Variants in HTR2C observed in about 807,000 individuals in gnomAD.
The protein encoded by HTR2C is 5-hydroxytryptamine (serotonin) receptor 2C, G protein-coupled.
Under a neutral mutation model 21.0 loss-of-function variants are expected in HTR2C, and 5 were observed. That is an observed-to-expected ratio of 0.24 (90% CI 0.12 to 0.50). The LOEUF (loss-of-function observed/expected upper bound fraction) is 0.50. Among genes scored for constraint, HTR2C ranks in the 20% least tolerant of loss-of-function variants. The pLI is 0.98. For synonymous variants in HTR2C, 150 were observed against 145.3 expected (o/e 1.03, Z -0.23); for missense variants, 271 against 371.2 (o/e 0.73, Z 2.22).
intron 1 of HTR2C, among the ~76,000 whole-genome samples, chrX:114,607,031 A>G (rs1928484329): frequency 9.2e-6 from 1 of 108,358 alleles, no homozygotes; most frequent in Non-Finnish European, 1.9e-5. Flanking sequence ...TTGAGCCAGG[A>G]TGATCCAGGA....
At chrX:114,764,878 T>G (rs2069923540) in intron 4 of HTR2C, among the ~76,000 whole-genome samples, 1 of 46,008 alleles carries the variant, frequency 2.2e-5, no homozygotes, top group African/African-American at 8.2e-5. Context: ...TTTCTTTCTT[T>G]CTTTCTTTCT....
chrX:114,596,421 A>G lies in HTR2C; in HGVS notation c.-147+11762A>G, dbSNP rs1185077226. On this transcript the variant is annotated intron_variant, in intron 1 of 5. Transcript: ENST00000276198. The stretch of plus-strand genomic sequence containing the variant: ...TAGCTTCATGATTAGAAATTGTCTT[A>G]TTCCTTTATTATATTTTTAGATTGA... Among the ~76,000 whole-genome samples, 3 of 112,085 alleles carry G rather than the reference A, an allele frequency of 2.7e-5. No individual in the cohort carries two copies. In the East Asian group the frequency reaches 8.4e-4, roughly 31 times the overall value.
At position 114,739,182 on chromosome X, in the gene HTR2C, G is replaced by T. The variant is rs189031760; in HGVS notation, c.349+7575G>T. Among the ~76,000 whole-genome samples, 324 of 110,854 alleles carry T rather than the reference G, an allele frequency of 2.9e-3. 2 individuals are homozygous for T. Among genetic ancestry groups the T allele is most frequent in the African/African-American group, 0.01 (313 of 30,682 alleles). On this transcript the variant is annotated intron_variant, in intron 4 of 5. Transcript: ENST00000276198. ...TATAAATAACTTTGTCAGACAGCTG[G>T]CATCTTAGTTCATAGGAAAACAATA... is the stretch of plus-strand genomic sequence containing the variant.
intron 4 of HTR2C, among the ~76,000 whole-genome samples, chrX:114,748,221 G>T (rs1343747837): frequency 2.7e-5 from 3 of 111,672 alleles, no homozygotes; most frequent in African/African-American, 9.8e-5. Context: ...ATGTGCAGGA[G>T]CTGTATGCTG....
chrX:114,797,946 A>G (rs187695379), intron 4 of HTR2C, among the ~76,000 whole-genome samples: 34 of 112,123 alleles, frequency 3.0e-4, no homozygotes, highest in African/African-American at 1.1e-3. Flanking sequence ...TGCATGTGGT[A>G]AAATAGAGGT....
In HTR2C at chrX:114,770,803, C is replaced by CT. The variant is rs377420309; in HGVS notation, c.349+39212dup. 1.3e-3 allele frequency among the ~76,000 whole-genome samples: 106 copies of CT among 80,687 alleles called. 5 individuals are homozygous for CT. The highest frequency in any genetic ancestry group is 3.7e-3 in the African/African-American group (78 of 20,908). 70.1% of individuals were successfully genotyped at this position (80,687 alleles called of 115,157 possible). ...TCTTTTCTCTTTTCTTTCTTTCTTC[C>CT]TTTTTTTTTTTTTTTTGAGGTAGGG... On this transcript the variant is annotated intron_variant, in intron 4 of 5. Transcript: ENST00000276198.
chrX:114,817,156 T>A (rs1229356878), intron 4 of HTR2C, among the ~76,000 whole-genome samples: 1 of 109,409 alleles, frequency 9.1e-6, no homozygotes, highest in Non-Finnish European at 1.9e-5. Flanking sequence ...TCATAAAATG[T>A]GTCTGTAGGT....
chrX:114,824,361 T>G (rs1462735674), intron 4 of HTR2C, among the ~76,000 whole-genome samples: 1 of 111,712 alleles, frequency 9.0e-6, no homozygotes, highest in Admixed American at 9.5e-5. Context: ...TCTGGATTGG[T>G]ACAGGAAGGA....
At position 114,666,303 on chromosome X, in the gene HTR2C, T is replaced by G. The variant is rs191199235; in HGVS notation, c.-80+52422T>G. Among the ~76,000 whole-genome samples, 8 of 112,039 alleles carry G rather than the reference T, an allele frequency of 7.1e-5. No homozygotes were observed. In the East Asian group the frequency reaches 2.2e-3, roughly 31 times the overall value. On this transcript the variant is annotated intron_variant, in intron 2 of 5. Transcript: ENST00000276198. Reference sequence around the variant, plus strand: ...TGGAATAAATACAGCTAACCAACCTTCAGGGATAGTTTTGAGGAATGTTGT... The same window carrying G: ...TGGAATAAATACAGCTAACCAACCTGCAGGGATAGTTTTGAGGAATGTTGT...
At chrX:114,867,663 G>A (rs947710410) in intron 5 of HTR2C, among the ~76,000 whole-genome samples, 8 of 111,556 alleles carry the variant, frequency 7.2e-5, no homozygotes, top group Middle Eastern at 4.6e-3. Flanking sequence ...GTCTTTAATC[G>A]ATTTGATTTG....
chrX:114,658,013 G>A (rs1930848811), intron 2 of HTR2C, among the ~76,000 whole-genome samples: 1 of 110,817 alleles, frequency 9.0e-6, no homozygotes, highest in Non-Finnish European at 1.9e-5. Context: ...CAATATAATA[G>A]CATTTCTGTA....
intron 1 of HTR2C, among the ~76,000 whole-genome samples, chrX:114,598,705 T>A (rs1313194640): frequency 9.0e-6 from 1 of 111,391 alleles, no homozygotes; most frequent in Admixed American, 9.6e-5. Flanking sequence ...TTTATGAGAT[T>A]ATTTTTAGGA....
intron 2 of HTR2C, among the ~76,000 whole-genome samples, chrX:114,646,936 A>G (rs1210191101): frequency 2.7e-5 from 3 of 111,493 alleles, no homozygotes; most frequent in African/African-American, 9.8e-5. Context: ...TCTGTTGGCC[A>G]TTCATATGTC....
intron 2 of HTR2C, among the ~76,000 whole-genome samples, chrX:114,707,257 A>G (rs782429811): frequency 1.8e-5 from 2 of 111,170 alleles, no homozygotes; most frequent in East Asian, 5.7e-4. Context: ...ATCGTTGCAG[A>G]CACTTAGATT....
chrX:114,868,887 A>G (rs2071068127), intron 5 of HTR2C, among the ~76,000 whole-genome samples: 1 of 110,164 alleles, frequency 9.1e-6, no homozygotes, highest in Non-Finnish European at 1.9e-5. Context: ...ACATGTGCAC[A>G]ATGTGCAGGT....
chrX:114,762,160 C>T (rs1292010101), intron 4 of HTR2C, among the ~76,000 whole-genome samples: 1 of 109,217 alleles, frequency 9.2e-6, no homozygotes, highest in Admixed American at 9.9e-5. Flanking sequence ...ATTTTGTCTT[C>T]ATTTATTTTG....
intron 5 of HTR2C, among the ~76,000 whole-genome samples, chrX:114,852,253 TC>T (rs2070924363): frequency 9.0e-6 from 1 of 110,554 alleles, no homozygotes; most frequent in Non-Finnish European, 1.9e-5. Flanking sequence ...TTGCATGTAT[TC>T]CCCAACCTTG....
chrX:114,893,286 C>A (rs1489154944), intron 5 of HTR2C, among the ~76,000 whole-genome samples: 1 of 110,632 alleles, frequency 9.0e-6, no homozygotes, highest in East Asian at 2.8e-4. Flanking sequence ...AATCTAGGAG[C>A]ATTTATCTGA....
intron 5 of HTR2C, among the ~76,000 whole-genome samples, chrX:114,851,179 G>A (rs1447876918): frequency 2.7e-5 from 3 of 111,740 alleles, no homozygotes; most frequent in Non-Finnish European, 3.8e-5. Context: ...TAAGATCTTA[G>A]CACATCCTTC....
Sources: allele counts gnomAD v4.1 joint callset (sites outside exome capture counted in the v4.1 genomes callset), GRCh38; gene constraint gnomAD v4.1.1; transcripts MANE v1.5; gene names NCBI Gene and HGNC (gene_info 2026-07-23, HGNC 2026-07-21).